Variants in PRKCE observed in about 807,000 individuals in gnomAD.
PRKCE encodes the protein protein kinase C epsilon type.
PRKCE carries 16 observed loss-of-function variants against 85.4 expected under a neutral mutation model. That is an observed-to-expected ratio of 0.19 (90% confidence interval 0.13 to 0.28). The LOEUF is 0.28. PRKCE is among the 10% of genes least tolerant of loss of function. PRKCE has a pLI of 1.00. For missense variants in PRKCE, 573 were observed against 975.2 expected (o/e 0.59, Z 5.49); for synonymous variants, 388 against 371.5 (o/e 1.04, Z -0.51).
chr2:46,032,389 C>T (rs1242361684), intron 10 of PRKCE, among the ~76,000 whole-genome samples: 1 of 152,188 alleles, frequency 6.6e-6, no homozygotes, highest in South Asian at 2.1e-4. Context: ...TGAGCCCTGG[C>T]ACCCAGCTTC....
intron 13 of PRKCE, among the ~76,000 whole-genome samples, chr2:46,156,035 A>T (rs547118024): frequency 1.2e-4 from 17 of 147,080 alleles, no homozygotes; most frequent in South Asian, 4.5e-4. Context: ...GTACAAAAAA[A>T]AATAATAAAA....
intron 10 of PRKCE, among the ~76,000 whole-genome samples, chr2:46,032,723 T>G (rs1157399284): frequency 1.1e-4 from 17 of 152,238 alleles, no homozygotes; most frequent in Admixed American, 1.1e-3. Flanking sequence ...ATCAGGAAGC[T>G]GAGAGAAAGG....
At chr2:45,751,995 T>C (rs368267636) in intron 1 of PRKCE, among the ~76,000 whole-genome samples, 58 of 149,194 alleles carry the variant, frequency 3.9e-4, no homozygotes, top group African/African-American at 1.2e-3. Context: ...TTTTTTGTAT[T>C]TTTAGTAGAG....
At chr2:46,043,897 C>T (rs1462651129) in intron 10 of PRKCE, among the ~76,000 whole-genome samples, 1 of 152,182 alleles carries the variant, frequency 6.6e-6, no homozygotes, top group Non-Finnish European at 1.5e-5. Flanking sequence ...TGGCAACCAT[C>T]TCAAAGCGGA....
chr2:45,806,774 G>A (rs993083716), intron 1 of PRKCE, among the ~76,000 whole-genome samples: 6 of 152,162 alleles, frequency 3.9e-5, no homozygotes, highest in African/African-American at 1.4e-4. Context: ...GGAGGACCCC[G>A]GGGTGGGTGA....
chr2:45,807,727 A>C (rs1283113328), intron 1 of PRKCE, among the ~76,000 whole-genome samples: 1 of 152,034 alleles, frequency 6.6e-6, no homozygotes, highest in Non-Finnish European at 1.5e-5. Context: ...ACTTGTTAGA[A>C]ATGCAAATTC....
chr2:45,816,076 G>C (rs533362129), intron 1 of PRKCE, among the ~76,000 whole-genome samples: 2 of 152,280 alleles, frequency 1.3e-5, no homozygotes, highest in South Asian at 4.2e-4. Context: ...AAAGAGTACT[G>C]GAAAGGCACA....
intron 1 of PRKCE, among the ~76,000 whole-genome samples, chr2:45,777,767 C>G (rs895991644): frequency 6.6e-6 from 1 of 152,142 alleles, no homozygotes; most frequent in Non-Finnish European, 1.5e-5. Context: ...CTCCTAATCA[C>G]AGCATTGTCC....
chr2:45,671,397 C>T (rs992985679), intron 1 of PRKCE, among the ~76,000 whole-genome samples: 1 of 152,174 alleles, frequency 6.6e-6, no homozygotes, highest in Non-Finnish European at 1.5e-5. Context: ...TATAGTCTCC[C>T]AAACACACTA....
chr2:46,070,557 C>T (rs867914611), intron 10 of PRKCE, among the ~76,000 whole-genome samples: 6 of 152,030 alleles, frequency 3.9e-5, no homozygotes, highest in Admixed American at 6.5e-5. Context: ...GCAGGAGAAT[C>T]GCTTGAACCC....
At chr2:45,832,135 C>G (rs559720790) in intron 1 of PRKCE, among the ~76,000 whole-genome samples, 1 of 152,058 alleles carries the variant, frequency 6.6e-6, no homozygotes, top group Non-Finnish European at 1.5e-5. Flanking sequence ...TATTATGATG[C>G]AGGAATATTC....
chr2:45,755,154 C>G (rs915919212), intron 1 of PRKCE, among the ~76,000 whole-genome samples: 1 of 152,180 alleles, frequency 6.6e-6, no homozygotes, highest in Admixed American at 6.5e-5. Flanking sequence ...CTGATAGTCA[C>G]CCTTGCACCT....
chr2:46,017,191 A>G (rs1313920479), intron 10 of PRKCE, among the ~76,000 whole-genome samples: 1 of 152,100 alleles, frequency 6.6e-6, no homozygotes, highest in Admixed American at 6.6e-5. Flanking sequence ...CTGAAACTCA[A>G]TACCCATTAA....
intron 11 of PRKCE, among the ~76,000 whole-genome samples, chr2:46,113,222 G>C (rs1672438800): frequency 6.6e-6 from 1 of 152,152 alleles, no homozygotes; most frequent in African/African-American, 2.4e-5. Flanking sequence ...GCTTTTTTGT[G>C]GTCAGTTACT....
chr2:45,663,235 C>G (rs943135471), intron 1 of PRKCE, among the ~76,000 whole-genome samples: 1 of 152,160 alleles, frequency 6.6e-6, no homozygotes, highest in African/African-American at 2.4e-5. Flanking sequence ...ACATTAAGAA[C>G]TCATGTTTTG....
rs141852905 is a variant in PRKCE, at chr2:46,084,605, C to G, written c.1438-1603C>G. ...GGCATGGTGGTGTGTGTCTGTAATCCCAGCTACTCAGGAGTCTGAGGCAGG... is the reference window on the plus strand; with the variant it reads ...GGCATGGTGGTGTGTGTCTGTAATCGCAGCTACTCAGGAGTCTGAGGCAGG... On this transcript the variant is annotated intron_variant, in intron 10 of 14. Coordinates refer to ENST00000306156, the MANE Select transcript of PRKCE (RefSeq NM_005400.3). Among the ~76,000 whole-genome samples the G allele has an allele frequency of 1.4e-3, 208 of 151,860 alleles. 1 individual carries two copies. Among genetic ancestry groups the G allele is most frequent in the African/African-American group, 4.7e-3 (195 of 41,402 alleles).
intron 2 of PRKCE, among the ~76,000 whole-genome samples, chr2:45,958,417 G>A (rs1163564132): frequency 1.3e-5 from 2 of 150,606 alleles, no homozygotes; most frequent in East Asian, 2.0e-4. Context: ...GTTGAGGCAG[G>A]AGAATGGCAT....
intron 10 of PRKCE, among the ~76,000 whole-genome samples, chr2:46,018,713 T>A (rs1706385328): frequency 6.6e-6 from 1 of 152,270 alleles, no homozygotes; most frequent in Non-Finnish European, 1.5e-5. Flanking sequence ...TTTAGAAAAG[T>A]ACATGTCTGT....
chr2:45,893,353 C>CTTTTTTTTTTTT (rs61708342), intron 2 of PRKCE, among the ~76,000 whole-genome samples: 1 of 136,432 alleles, frequency 7.3e-6, no homozygotes, highest in African/African-American at 2.7e-5. Flanking sequence ...CTTTTCTTTT[C>CTTTTTTTTTTTT]TTTTTTTTTT....
Sources: allele counts gnomAD v4.1 joint callset (sites outside exome capture counted in the v4.1 genomes callset), GRCh38; gene constraint gnomAD v4.1.1; transcripts MANE v1.5; gene names NCBI Gene and HGNC (gene_info 2026-07-23, HGNC 2026-07-21).